The following DNAAF4 variants were observed in gnomAD, a reference collection of about 807,000 sequenced individuals.
DNAAF4 encodes dynein axonemal assembly factor 4.
DNAAF4 carries 43 observed loss-of-function variants against 51.8 expected under a neutral mutation model. The ratio of observed to expected loss-of-function variants is 0.83; its 90% confidence interval spans 0.65 to 1.07. The LOEUF (loss-of-function observed/expected upper bound fraction) is 1.07, where lower values mean the gene tolerates loss of function less well. Ranked by LOEUF, DNAAF4 falls within the 50% of genes least tolerant of loss-of-function variation. The pLI, the probability that DNAAF4 is intolerant of heterozygous loss-of-function variation, is 0.00. For synonymous variants in DNAAF4, 194 were observed against 165.6 expected (o/e 1.17, Z -1.32); for missense variants, 581 against 493.0 (o/e 1.18, Z -1.69).
At chr15:55,418,872 G>T in intron 7 of DNAAF4, 2 of 173,880 alleles carry the variant, frequency 1.2e-5, no homozygotes, top group Non-Finnish European at 2.4e-5. Flanking sequence ...CACAGGAGCT[G>T]TAAGGAAAAA....
chr15:55,464,259 G>C (rs1278381665), intron 5 of DNAAF4, among the ~76,000 whole-genome samples: 1 of 152,124 alleles, frequency 6.6e-6, no homozygotes, highest in Non-Finnish European at 1.5e-5. Flanking sequence ...ACATGTAGGG[G>C]TATGAAACTG....
At chr15:55,463,360 C>T (rs2058122884) in intron 5 of DNAAF4, among the ~76,000 whole-genome samples, 3 of 151,972 alleles carry the variant, frequency 2.0e-5, no homozygotes, top group Admixed American at 2.0e-4. Flanking sequence ...AAAGTGTTTC[C>T]CCTGAGAACT....
At chr15:55,432,387 C>A (rs1252160248) in intron 9 of DNAAF4, 110 bp downstream of exon 9, 3 of 721,464 alleles carry the variant, frequency 4.2e-6, no homozygotes, top group South Asian at 2.5e-5. Flanking sequence ...AAATTAAATG[C>A]TAAAAATATT....
chr15:55,474,312 G>T (rs1052974723), intron 4 of DNAAF4, among the ~76,000 whole-genome samples: 1 of 152,202 alleles, frequency 6.6e-6, no homozygotes, highest in Non-Finnish European at 1.5e-5. Context: ...GAGGTGGGCA[G>T]ATCATGAGGT....
At chr15:55,433,838 T>TTATATATTATATATATTATAA (rs1406653767) in intron 8 of DNAAF4, among the ~76,000 whole-genome samples, 10 of 68,752 alleles carry the variant, frequency 1.5e-4, no homozygotes, top group Admixed American at 5.2e-4. Context: ...ATTACATATA[T>TTATATATTATATATATTATAA]TATATATTAT....
At chr15:55,423,075 TAAGA>T (rs2057401402) in intron 7 of DNAAF4, among the ~76,000 whole-genome samples, 1 of 151,252 alleles carries the variant, frequency 6.6e-6, no homozygotes, top group South Asian at 2.1e-4. Context: ...TTTATTGGAA[TAAGA>T]AAGAACAGAA....
At chr15:55,436,677 G>T (rs534190846) in intron 7 of DNAAF4, among the ~76,000 whole-genome samples, 1 of 151,906 alleles carries the variant, frequency 6.6e-6, no homozygotes, top group South Asian at 2.1e-4. Flanking sequence ...GAGCCACCGT[G>T]CCCAGCCAAT....
chr15:55,421,909 AT>A (rs1176056875), intron 7 of DNAAF4, among the ~76,000 whole-genome samples: 1 of 106,254 alleles, frequency 9.4e-6, no homozygotes. Context: ...TATAATAATA[AT>A]AATAATAATA....
chr15:55,461,699 A>C (rs983063807), intron 5 of DNAAF4, among the ~76,000 whole-genome samples: 1 of 152,182 alleles, frequency 6.6e-6, no homozygotes, highest in Non-Finnish European at 1.5e-5. Context: ...AAGAGCATAA[A>C]CAGACAATCT....
At chr15:55,495,369 T>C (rs930012369) in intron 3 of DNAAF4, among the ~76,000 whole-genome samples, 3 of 148,072 alleles carry the variant, frequency 2.0e-5, no homozygotes, top group Admixed American at 6.7e-5. Context: ...AAAGCCTTGA[T>C]AGAAAGAATG....
chr15:55,444,386 C>T (rs1033942245), intron 6 of DNAAF4, among the ~76,000 whole-genome samples: 3 of 152,156 alleles, frequency 2.0e-5, no homozygotes, highest in Admixed American at 1.3e-4. Flanking sequence ...GGGCTCTGTT[C>T]TGTTCCATTG....
At chr15:55,483,060 G>A (rs187523814) in intron 4 of DNAAF4, among the ~76,000 whole-genome samples, 1 of 152,116 alleles carries the variant, frequency 6.6e-6, no homozygotes, top group East Asian at 1.9e-4. Flanking sequence ...GAAAAGTAGG[G>A]AGTGACTGCT....
intron 7 of DNAAF4, among the ~76,000 whole-genome samples, chr15:55,424,844 A>G (rs2057416477): frequency 1.3e-5 from 2 of 151,708 alleles, no homozygotes; most frequent in African/African-American, 4.8e-5. Flanking sequence ...TACAGGCGTG[A>G]GACCCCGTGC....
chr15:55,502,856 T>C (rs1344939182), intron 1 of DNAAF4, among the ~76,000 whole-genome samples: 2 of 151,602 alleles, frequency 1.3e-5, no homozygotes, highest in Non-Finnish European at 2.9e-5. Flanking sequence ...ACATCACAAT[T>C]AAAAGAACTA....
At position 55,446,799 on chromosome 15, in the gene DNAAF4, G is replaced by GAT. The variant is rs1247097297; in HGVS notation, c.783+3422_783+3423insAT. 4.6e-4 allele frequency among the ~76,000 whole-genome samples: 65 copies of GAT among 142,256 alleles called. No individual in the cohort carries two copies. In the Middle Eastern group the frequency reaches 0.012, roughly 27 times the overall value. 93.3% of individuals were successfully genotyped at this position (142,256 alleles called of 152,430 possible). ...CAGAGGCGCTCCTCACATCCCAGAT[G>GAT]GGGCGGCCGGGCAGAGGCGCTCCTC... is the stretch of plus-strand genomic sequence containing the variant. On this transcript the variant is annotated intron_variant, in intron 6 of 9. Coordinates refer to ENST00000321149, the MANE Select transcript of DNAAF4 (RefSeq NM_130810.4).
At chr15:55,486,545 C>T (rs962215752) in intron 4 of DNAAF4, among the ~76,000 whole-genome samples, 3 of 152,014 alleles carry the variant, frequency 2.0e-5, no homozygotes, top group African/African-American at 7.2e-5. Context: ...TATCTGTGTG[C>T]TTAAGAATTT....
At chr15:55,420,099 C>A (rs1457893569) in intron 7 of DNAAF4, among the ~76,000 whole-genome samples, 1 of 152,098 alleles carries the variant, frequency 6.6e-6, no homozygotes, top group African/African-American at 2.4e-5. Context: ...TATGCACAGG[C>A]CTTTCAGACA....
chr15:55,493,391 G>A (rs2058599787), intron 3 of DNAAF4, among the ~76,000 whole-genome samples: 3 of 152,110 alleles, frequency 2.0e-5, no homozygotes, highest in African/African-American at 7.2e-5. Flanking sequence ...TAAGATCTTG[G>A]CTAAGAACTA....
At chr15:55,467,654 C>T (rs1245832591) in intron 4 of DNAAF4, among the ~76,000 whole-genome samples, 2 of 151,942 alleles carry the variant, frequency 1.3e-5, no homozygotes, top group African/African-American at 4.8e-5. Context: ...CCCTTCAGTC[C>T]TAAGGACTGA....
Sources: gnomAD v4.1 joint callset for allele counts (sites outside exome capture counted in the v4.1 genomes callset) on GRCh38, gnomAD v4.1.1 for gene constraint, MANE v1.5 for transcripts, NCBI Gene and HGNC (gene_info 2026-07-23, HGNC 2026-07-21) for gene names.